IL22RA2: variants seen among roughly 807,000 people sequenced by gnomAD.
IL22RA2 encodes the protein interleukin 22 receptor subunit alpha 2, also known as interleukin-22 receptor subunit alpha-2.
IL22RA2 carries 39 observed loss-of-function variants against 30.7 expected under a neutral mutation model. The ratio of observed to expected loss-of-function variants is 1.27; its 90% CI spans 0.98 to 1.66. IL22RA2 has a LOEUF of 1.66. IL22RA2 is among the 40% of genes most tolerant of loss of function. The probability of loss-of-function intolerance (pLI) is 0.00; values close to 1 mark genes in which losing one functional copy is unlikely to be tolerated. For synonymous variants in IL22RA2, 103 were observed against 105.0 expected, an observed-to-expected ratio of 0.98 and a Z score of 0.11; for missense variants, 315 against 312.7, an observed-to-expected ratio of 1.01 and a Z score of -0.05.
chr6:137,155,597 A>G (rs1339951615), intron 4 of IL22RA2, among the ~76,000 whole-genome samples: 2 of 152,054 alleles, frequency 1.3e-5, no homozygotes, highest in African/African-American at 2.4e-5. Flanking sequence ...TAATTCGTTA[A>G]TCCATCAATG....
intron 5 of IL22RA2, among the ~76,000 whole-genome samples, chr6:137,153,246 T>G (rs1778328533): frequency 6.6e-6 from 1 of 152,164 alleles, no homozygotes; most frequent in African/African-American, 2.4e-5. Flanking sequence ...AAGCAAGGTC[T>G]CAAGACCCAT....
At chr6:137,150,375 A>G (rs1244325979) in intron 5 of IL22RA2, among the ~76,000 whole-genome samples, 1 of 151,996 alleles carries the variant, frequency 6.6e-6, no homozygotes, top group African/African-American at 2.4e-5. Context: ...CAACAAGAGT[A>G]GTAGCTATAG....
At chr6:137,170,330 T>C (rs1337412749) in intron 1 of IL22RA2, among the ~76,000 whole-genome samples, 4 of 152,170 alleles carry the variant, frequency 2.6e-5, no homozygotes, top group African/African-American at 9.7e-5. Flanking sequence ...TTAAAGTTCC[T>C]GCAAAATGTG....
intron 5 of IL22RA2, among the ~76,000 whole-genome samples, chr6:137,152,957 C>G (rs1278970612): frequency 6.6e-6 from 1 of 152,152 alleles, no homozygotes; most frequent in African/African-American, 2.4e-5. Context: ...GGGCTCTCAT[C>G]TTCCATCTCG....
rs10682551 is a variant in IL22RA2 at position 137,154,620 on chromosome 6, A to AACACACAC, written c.472+313_472+320dup. ...ACAAAGCGAGACCCTGTCACACACAAACACACACACACACACACACACACA... is the reference window on the plus strand; with the variant it reads ...ACAAAGCGAGACCCTGTCACACACAAACACACACACACACACACACACACACACACACA... On this transcript the variant is annotated intron_variant, in intron 5 of 6. Coordinates refer to ENST00000296980, the MANE Select transcript of IL22RA2 (RefSeq NM_052962.3). 7.1e-3 allele frequency among the ~76,000 whole-genome samples: 1,060 copies of AACACACAC among 148,510 alleles called. 17 individuals are homozygous for AACACACAC. The highest frequency in any genetic ancestry group is 0.022 in the African/African-American group (883 of 40,486).
chr6:137,152,490 T>C (rs1216132929), intron 5 of IL22RA2, among the ~76,000 whole-genome samples: 2 of 152,156 alleles, frequency 1.3e-5, no homozygotes, highest in African/African-American at 4.8e-5. Flanking sequence ...TATTAGTCTA[T>C]CTAGAACAGG....
intron 1 of IL22RA2, among the ~76,000 whole-genome samples, chr6:137,170,777 T>A (rs1778718311): frequency 6.6e-6 from 1 of 151,932 alleles, no homozygotes; most frequent in Non-Finnish European, 1.5e-5. Flanking sequence ...TCAGAAGGGA[T>A]GTATATGACA....
At chr6:137,168,633 T>C (rs1249970898) in intron 1 of IL22RA2, among the ~76,000 whole-genome samples, 3 of 149,228 alleles carry the variant, frequency 2.0e-5, no homozygotes, top group African/African-American at 7.8e-5. Context: ...TCAGCACCTA[T>C]ACACTGGAAG....
At chr6:137,155,234 G>T in intron 4 of IL22RA2, 115 bp from the exon 5 acceptor site, 1 of 677,182 alleles carries the variant, frequency 1.5e-6, no homozygotes. Context: ...CACCATGATA[G>T]CTTATGGCTC....
rs868546394 is a variant in IL22RA2, at chr6:137,147,203, A to T, written c.642+519T>A. On this transcript the variant is annotated intron_variant, in intron 6 of 6. Transcript: ENST00000296980. ...TGCCTCTACAAAAAAAAAAAAAAAA[A>T]AAAAAAAAAAAAAGCTGGATGTGAT... Among the ~76,000 whole-genome samples the T allele has an allele frequency of 2.2e-3, 328 of 148,810 alleles. 2 individuals carry two copies. The highest frequency in any genetic ancestry group is 5.2e-3 in the African/African-American group (212 of 40,848).
In IL22RA2 at chr6:137,144,041, A is replaced by G. The variant is rs1368791487; in HGVS notation, c.*1583T>C. 6.6e-6 allele frequency: 1 copy of G among 152,306 alleles called. No individual in the cohort carries two copies. Among genetic ancestry groups the G allele is most frequent in the Non-Finnish European group, 1.5e-5 (1 of 68,044 alleles). 9.4% of individuals were successfully genotyped at this position (152,306 alleles called of 1,614,324 possible). On this transcript the variant is annotated 3_prime_UTR_variant, in exon 7 of 7. Coordinates refer to ENST00000296980, the MANE Select transcript of IL22RA2 (RefSeq NM_052962.3). ...TTTTATTAAGTCAGGCTTCAGGACT[A>G]CTGAATTGCATTCACTAAAATGCTA...
intron 6 of IL22RA2, 32 bp from the exon 7 acceptor site, chr6:137,145,805 A>G (rs1207990053): frequency 6.2e-7 from 1 of 1,612,872 alleles, no homozygotes; most frequent in Admixed American, 1.7e-5. Context: ...ATCAGTTGGT[A>G]AATGGCTGCC....
intron 1 of IL22RA2, among the ~76,000 whole-genome samples, chr6:137,164,996 G>A (rs1366556837): frequency 1.3e-5 from 2 of 152,136 alleles, no homozygotes; most frequent in Non-Finnish European, 2.9e-5. Context: ...ATATGGAAGA[G>A]CACCGTAGAG....
chr6:137,147,523 A>T (rs1335149230), intron 6 of IL22RA2, among the ~76,000 whole-genome samples, 199 bp downstream of exon 6: 12 of 152,198 alleles, frequency 7.9e-5, no homozygotes, highest in Admixed American at 7.9e-4. Flanking sequence ...AAACCGGAGG[A>T]TGGAAAGGGC....
intron 1 of IL22RA2, among the ~76,000 whole-genome samples, chr6:137,163,963 T>C (rs1778578244): frequency 6.6e-6 from 1 of 152,166 alleles, no homozygotes; most frequent in Non-Finnish European, 1.5e-5. Context: ...GAGGACCAGC[T>C]CCACAGCTGC....
At chr6:137,151,565 C>T (rs1437799246) in intron 5 of IL22RA2, among the ~76,000 whole-genome samples, 3 of 152,038 alleles carry the variant, frequency 2.0e-5, no homozygotes. Flanking sequence ...GGATTTCATC[C>T]AAGTTTAAAA....
At chr6:137,146,039 G>T (rs564017925) in intron 6 of IL22RA2, among the ~76,000 whole-genome samples, 2 of 152,062 alleles carry the variant, frequency 1.3e-5, no homozygotes, top group Non-Finnish European at 1.5e-5. Flanking sequence ...TAAGAATTTT[G>T]TTTGTTTTTT....
chr6:137,167,768 A>G (rs1421984643), intron 1 of IL22RA2, among the ~76,000 whole-genome samples: 1 of 152,198 alleles, frequency 6.6e-6, no homozygotes, highest in Non-Finnish European at 1.5e-5. Flanking sequence ...TCCTGTGGTG[A>G]AACCAAGCCA....
At position 137,161,669 on chromosome 6, in the gene IL22RA2, A is replaced by T; in HGVS notation, c.61+20T>A. 2 of 1,604,550 alleles carry T rather than the reference A, an allele frequency of 1.2e-6. No individual in the cohort carries two copies. Among genetic ancestry groups the T allele is most frequent in the Non-Finnish European group, 1.7e-6 (2 of 1,171,742 alleles). On this transcript the variant is annotated intron_variant, in intron 2 of 6. Coordinates refer to ENST00000296980, the MANE Select transcript of IL22RA2 (RefSeq NM_052962.3). Reference sequence around the variant, plus strand: ...CAGATGACAAAGCTATGAGCAATTAAAAAGAAACAAAGCACTTACCTGCTA... The same window carrying T: ...CAGATGACAAAGCTATGAGCAATTATAAAGAAACAAAGCACTTACCTGCTA...
Sources: gnomAD v4.1 joint callset for allele counts (sites outside exome capture counted in the v4.1 genomes callset) on GRCh38, gnomAD v4.1.1 for gene constraint, MANE v1.5 for transcripts, NCBI Gene and HGNC (gene_info 2026-07-23, HGNC 2026-07-21) for gene names.